DNTT: variants seen among roughly 807,000 people sequenced by gnomAD.
The protein encoded by DNTT is DNA nucleotidylexotransferase.
In DNTT, 47 loss-of-function variants were observed where a neutral mutation model predicts 60.9. The ratio of observed to expected loss-of-function variants is 0.77; its 90% CI spans 0.61 to 0.98. The LOEUF is 0.98. DNTT is among the 50% of genes least tolerant of loss of function. The probability of loss-of-function intolerance (pLI) is 0.00; values close to 1 mark genes in which losing one functional copy is unlikely to be tolerated. For synonymous variants in DNTT, 224 were observed against 221.2 expected (o/e 1.01, Z -0.11); for missense variants, 665 against 627.5 (o/e 1.06, Z -0.64).
chr10:96,333,439 T>G (rs1431165278), intron 9 of DNTT, among the ~76,000 whole-genome samples: 2 of 152,232 alleles, frequency 1.3e-5, no homozygotes, highest in East Asian at 3.8e-4. Context: ...GGCTACCATA[T>G]GATCCAGCAA....
chr10:96,315,631 G>A (rs1844777251), intron 1 of DNTT, among the ~76,000 whole-genome samples: 1 of 151,998 alleles, frequency 6.6e-6, no homozygotes, highest in Admixed American at 6.6e-5. Context: ...GCAGTAGGGG[G>A]AGTGGTAAGA....
chr10:96,312,932 A>G (rs906975289), intron 1 of DNTT, among the ~76,000 whole-genome samples: 2 of 152,040 alleles, frequency 1.3e-5, no homozygotes, highest in African/African-American at 4.8e-5. Flanking sequence ...TCTTTTTACC[A>G]TTACTATAAA....
At chr10:96,323,198 T>C (rs1174894415) in intron 5 of DNTT, among the ~76,000 whole-genome samples, 3 of 151,854 alleles carry the variant, frequency 2.0e-5, no homozygotes, top group East Asian at 1.9e-4. Flanking sequence ...ACTTGGGAGA[T>C]TGAGACATGA....
At chr10:96,330,512 A>G (rs927702195) in intron 8 of DNTT, among the ~76,000 whole-genome samples, 1 of 152,194 alleles carries the variant, frequency 6.6e-6, no homozygotes, top group African/African-American at 2.4e-5. Flanking sequence ...ATTCGAGGTT[A>G]ACTACGGCAA....
chr10:96,312,138 A>G (rs112352580), intron 1 of DNTT, among the ~76,000 whole-genome samples: 18 of 152,336 alleles, frequency 1.2e-4, no homozygotes, highest in African/African-American at 4.3e-4. Flanking sequence ...AGAAACGAGT[A>G]CCATGTTGGA....
At chr10:96,315,024 G>C (rs1844771530) in intron 1 of DNTT, among the ~76,000 whole-genome samples, 3 of 152,224 alleles carry the variant, frequency 2.0e-5, no homozygotes, top group African/African-American at 7.2e-5. Flanking sequence ...ACTGTGAATT[G>C]CCTGTGAGGG....
At chr10:96,307,770 TA>T (rs1328232274) in intron 1 of DNTT, among the ~76,000 whole-genome samples, 36 of 115,558 alleles carry the variant, frequency 3.1e-4, no homozygotes, top group South Asian at 3.0e-3. Context: ...TATATATATA[TA>T]TATATATTTT....
chr10:96,337,323 G>C (rs571332928), intron 10 of DNTT, among the ~76,000 whole-genome samples: 2 of 152,280 alleles, frequency 1.3e-5, no homozygotes, highest in Admixed American at 1.3e-4. Flanking sequence ...GGCCAGACTT[G>C]GGTCATGTGC....
At position 96,320,593 on chromosome 10, in the gene DNTT, C is replaced by T. The variant is rs77512221; in HGVS notation, c.508-25C>T. 3.6e-3 allele frequency: 5,854 copies of T among 1,610,870 alleles called. 61 individuals are homozygous for T. The African/African-American group carries it at 0.039, about 11-fold the overall frequency. On this transcript the variant is annotated intron_variant, in intron 3 of 10. Coordinates refer to ENST00000371174, the MANE Select transcript of DNTT (RefSeq NM_004088.4). Reference sequence around the variant, plus strand: ...GCTCAGGGGCTTGGAAGCAAATCTCCTGCTTATCTGGTTTTATCCTGCAGG... The same window carrying T: ...GCTCAGGGGCTTGGAAGCAAATCTCTTGCTTATCTGGTTTTATCCTGCAGG...
rs540066452 is a variant in DNTT, at chr10:96,317,013, A to C, written c.204-1339A>C. Among the ~76,000 whole-genome samples, 20 of 152,300 alleles carry C rather than the reference A, an allele frequency of 1.3e-4. 1 individual carries two copies. The South Asian group carries it at 3.9e-3, about 30-fold the overall frequency. ...GGAGAAAGAGGAAATCAAGGAAACA[A>C]AATAGGAGGAGAAAGAGAAAATATT... On this transcript the variant is annotated intron_variant, in intron 1 of 10. Coordinates refer to ENST00000371174, the MANE Select transcript of DNTT (RefSeq NM_004088.4).
At position 96,318,507 on chromosome 10, in the gene DNTT, C is replaced by T. The variant is rs766321138; in HGVS notation, c.359C>T (p.Thr120Ile). 6.2e-7 allele frequency: 1 copy of T among 1,613,420 alleles called. No homozygotes were observed. Among genetic ancestry groups the T allele is most frequent in the Non-Finnish European group, 8.5e-7 (1 of 1,179,616 alleles). ...CIRAGKPVEM[T>I]GKHQLVVRRD... Reference sequence around the variant, plus strand: ...AGAGCAGGGAAACCGGTGGAAATGACAGGAAAACACCAGCTTGTTGTAAGT... The same window carrying T: ...AGAGCAGGGAAACCGGTGGAAATGATAGGAAAACACCAGCTTGTTGTAAGT... The change falls in exon 2 of 11, where the codon ACA (threonine) becomes ATA (isoleucine). Residue 120 changes from threonine (T) to isoleucine (I), a missense_variant. Coordinates refer to ENST00000371174, the MANE Select transcript of DNTT (RefSeq NM_004088.4).
At chr10:96,337,476 G>C (rs1161408511) in intron 10 of DNTT, among the ~76,000 whole-genome samples, 1 of 152,266 alleles carries the variant, frequency 6.6e-6, no homozygotes, top group Non-Finnish European at 1.5e-5. Context: ...TGCTAAGCAT[G>C]TGGGTGAAGG....
At chr10:96,305,579 T>C (rs1032571129) in intron 1 of DNTT, among the ~76,000 whole-genome samples, 1 of 152,210 alleles carries the variant, frequency 6.6e-6, no homozygotes, top group Admixed American at 6.5e-5. Context: ...ATTTATGCAG[T>C]TGACCGCTTT....
At chr10:96,321,762 C>G (rs889976339) in intron 4 of DNTT, among the ~76,000 whole-genome samples, 1 of 152,172 alleles carries the variant, frequency 6.6e-6, no homozygotes, top group Non-Finnish European at 1.5e-5. Flanking sequence ...TGATGGTCGC[C>G]TGACATTCCT....
chr10:96,323,707 G>A (rs12355449), intron 5 of DNTT, among the ~76,000 whole-genome samples: 124,595 of 152,080 alleles, frequency 0.82, 55,656 homozygotes, highest in East Asian at 1. Context: ...TAGAGTTGCA[G>A]GTGGAAGGGA....
At chr10:96,308,926 C>T (rs2133982677) in intron 1 of DNTT, among the ~76,000 whole-genome samples, 1 of 152,280 alleles carries the variant, frequency 6.6e-6, no homozygotes, top group South Asian at 2.1e-4. Flanking sequence ...ATTTTCACTT[C>T]TTTTGTGTAT....
chr10:96,307,192 G>A (rs2133981430), intron 1 of DNTT, among the ~76,000 whole-genome samples: 1 of 152,278 alleles, frequency 6.6e-6, no homozygotes, highest in Non-Finnish European at 1.5e-5. Flanking sequence ...CTAAGGAATG[G>A]GCTCTCCCTC....
intron 1 of DNTT, among the ~76,000 whole-genome samples, chr10:96,314,194 G>A (rs1006350127): frequency 2.0e-5 from 3 of 151,932 alleles, no homozygotes; most frequent in African/African-American, 7.3e-5. Context: ...GGAGGAAATC[G>A]ATTTTCTTAT....
At chr10:96,328,896 T>C in intron 8 of DNTT, 66 bp downstream of exon 8, 1 of 1,471,996 alleles carries the variant, frequency 6.8e-7, no homozygotes, top group South Asian at 1.2e-5. Flanking sequence ...TTTTGCACAT[T>C]ACTTGCCTTA....
Sources: allele counts gnomAD v4.1 joint callset (sites outside exome capture counted in the v4.1 genomes callset), GRCh38; gene constraint gnomAD v4.1.1; transcripts MANE v1.5; gene names NCBI Gene and HGNC (gene_info 2026-07-23, HGNC 2026-07-21).